Variants in STRADB observed in about 807,000 individuals in gnomAD.
The protein encoded by STRADB is STE20 related adaptor beta.
STRADB carries 34 observed loss-of-function variants against 52.1 expected under a neutral mutation model. That is an observed-to-expected ratio of 0.65 (90% CI 0.50 to 0.87). The LOEUF (loss-of-function observed/expected upper bound fraction) is 0.87, where lower values mean the gene tolerates loss of function less well. Among genes scored for constraint, STRADB ranks in the 40% least tolerant of loss-of-function variants. The probability of loss-of-function intolerance (pLI) is 0.00; values close to 1 mark genes in which losing one functional copy is unlikely to be tolerated. For synonymous variants in STRADB, 133 were observed against 174.5 expected, an observed-to-expected ratio of 0.76 and a Z score of 1.87; for missense variants, 340 against 483.9, an observed-to-expected ratio of 0.70 and a Z score of 2.79.
rs539251804 is a variant in STRADB at position 201,455,154 on chromosome 2, T to C, written c.12+302T>C. On this transcript the variant is annotated intron_variant, in intron 2 of 11. Coordinates refer to ENST00000194530, the MANE Select transcript of STRADB (RefSeq NM_018571.6). ...CACACCAGTTAGCTATGCCTTATCT[T>C]TTAAATCTTTCAGAAATTCCTTTTA... Among the ~76,000 whole-genome samples the C allele has an allele frequency of 2.3e-4, 35 of 152,324 alleles. 1 individual carries two copies. Among genetic ancestry groups the C allele is most frequent in the African/African-American group, 8.2e-4 (34 of 41,574 alleles).
chr2:201,470,168 C>G, intron 4 of STRADB, 116 bp downstream of exon 4: 1 of 725,876 alleles, frequency 1.4e-6, no homozygotes, highest in East Asian at 2.7e-5. Context: ...AAACTAGATG[C>G]TAATTGTGTC....
At chr2:201,470,603 A>G (rs902387120) in intron 4 of STRADB, among the ~76,000 whole-genome samples, 3 of 152,240 alleles carry the variant, frequency 2.0e-5, no homozygotes, top group Admixed American at 2.0e-4. Context: ...AGCATGGTAG[A>G]ACACTTGGAA....
intron 5 of STRADB, 62 bp from the exon 6 acceptor site, chr2:201,474,585 T>C: frequency 6.9e-7 from 1 of 1,456,808 alleles, no homozygotes; most frequent in Non-Finnish European, 9.5e-7. Flanking sequence ...ACGACCGCCA[T>C]TTTCATCATA....
intron 5 of STRADB, among the ~76,000 whole-genome samples, chr2:201,474,235 A>C (rs1226298331): frequency 6.6e-6 from 1 of 152,152 alleles, no homozygotes; most frequent in East Asian, 1.9e-4. Flanking sequence ...TTACACAAAC[A>C]AAAAAAGACT....
Position 201,477,063 on chromosome 2 carries a change from T to TG in STRADB, c.549-556_549-555insG, listed in dbSNP as rs1204342499. On this transcript the variant is annotated intron_variant, in intron 7 of 11. Coordinates refer to ENST00000194530, the MANE Select transcript of STRADB (RefSeq NM_018571.6). ...AAAAAATATTATCAGTTTTTTTTTT[T>TG]TTTTTTTTTTTTTTTGAGACAGACA... 2.5e-4 allele frequency among the ~76,000 whole-genome samples: 26 copies of TG among 104,000 alleles called. 1 individual carries two copies. Among genetic ancestry groups the TG allele is most frequent in the African/African-American group, 8.9e-4 (25 of 28,060 alleles). 68.2% of individuals were successfully genotyped at this position (104,000 alleles called of 152,430 possible). A position where few individuals can be genotyped will look rare whatever the true frequency, so the allele number is the denominator to read the frequency against.
intron 3 of STRADB, among the ~76,000 whole-genome samples, chr2:201,468,085 C>A (rs199629689): frequency 2.8e-5 from 2 of 71,030 alleles, no homozygotes; most frequent in African/African-American, 4.9e-5. Flanking sequence ...TTTTTTTTTT[C>A]TTTTTTTTTT....
At chr2:201,463,251 T>C (rs746064456) in intron 3 of STRADB, among the ~76,000 whole-genome samples, 2 of 149,956 alleles carry the variant, frequency 1.3e-5, no homozygotes, top group African/African-American at 2.5e-5. Context: ...GCAGAATTGC[T>C]TGAACTTGGG....
At chr2:201,471,610 T>C (rs764411807) in intron 4 of STRADB, among the ~76,000 whole-genome samples, 18 of 152,224 alleles carry the variant, frequency 1.2e-4, no homozygotes, top group Non-Finnish European at 1.8e-4. Context: ...TTTCTGACTG[T>C]AGGATCTAAG....
chr2:201,452,920 ATGTACT>A (rs1344430189), intron 1 of STRADB, among the ~76,000 whole-genome samples: 13 of 152,224 alleles, frequency 8.5e-5, no homozygotes, highest in South Asian at 2.1e-4. Flanking sequence ...GACTGCACTG[ATGTACT>A]TGTGAATACG....
chr2:201,458,320 AC>A (rs1952158837), intron 2 of STRADB, among the ~76,000 whole-genome samples: 1 of 152,242 alleles, frequency 6.6e-6, no homozygotes, highest in Non-Finnish European at 1.5e-5. Flanking sequence ...ACCTTTAAAA[AC>A]AATTATTTTT....
At chr2:201,476,367 T>G (rs1433392238) in intron 7 of STRADB, among the ~76,000 whole-genome samples, 1 of 151,408 alleles carries the variant, frequency 6.6e-6, no homozygotes, top group East Asian at 1.9e-4. Context: ...ACTTTTTTTT[T>G]TTTTTTTTAG....
intron 4 of STRADB, among the ~76,000 whole-genome samples, chr2:201,472,579 T>G (rs1390192833): frequency 6.6e-6 from 1 of 151,990 alleles, no homozygotes; most frequent in African/African-American, 2.4e-5. Context: ...GGACTGGGAG[T>G]GGGGATGGGA....
intron 4 of STRADB, 96 bp from the exon 5 acceptor site, chr2:201,472,859 T>G: frequency 7.8e-7 from 1 of 1,279,510 alleles, no homozygotes; most frequent in Non-Finnish European, 1.1e-6. Flanking sequence ...TTAACAGTAC[T>G]TTTTGAAGAG....
intron 3 of STRADB, among the ~76,000 whole-genome samples, chr2:201,462,311 G>C (rs1952228116): frequency 1.3e-5 from 2 of 152,048 alleles, no homozygotes; most frequent in African/African-American, 4.8e-5. Flanking sequence ...GGTGAAGTGT[G>C]GTTCTTGTAG....
chr2:201,452,964 T>G (rs1374239844), intron 1 of STRADB, among the ~76,000 whole-genome samples: 1 of 152,226 alleles, frequency 6.6e-6, no homozygotes, highest in Non-Finnish European at 1.5e-5. Context: ...ATATGACTTT[T>G]TTTTAAGAAA....
chr2:201,478,625 G>A, intron 10 of STRADB, 24 bp downstream of exon 10: 1 of 1,603,560 alleles, frequency 6.2e-7, no homozygotes, highest in Non-Finnish European at 8.5e-7. Context: ...CTTTTAAATA[G>A]CACAAAATGT....
At chr2:201,463,460 T>C (rs570201002) in intron 3 of STRADB, among the ~76,000 whole-genome samples, 2 of 152,372 alleles carry the variant, frequency 1.3e-5, no homozygotes, top group East Asian at 3.9e-4. Flanking sequence ...GTTCTTTCTT[T>C]TTTCTTACTT....
intron 3 of STRADB, among the ~76,000 whole-genome samples, chr2:201,469,533 A>G (rs891880082): frequency 1.3e-5 from 2 of 152,224 alleles, no homozygotes; most frequent in Non-Finnish European, 2.9e-5. Context: ...GACTGTTAAC[A>G]TCTTCAGTAG....
In STRADB at chr2:201,470,009, A is replaced by G. The variant is rs775171256; in HGVS notation, c.150A>G (p.Leu50=). The change falls in exon 4 of 12, where the codon CTA becomes CTG. Residue 50 remains leucine (L), a synonymous_variant. Transcript: ENST00000194530. ...CATCCACTAGAGCCAGTGAAGTACTATGTTCCACCAACGTTTCTCACTATG... is the reference window on the plus strand; with the variant it reads ...CATCCACTAGAGCCAGTGAAGTACTGTGTTCCACCAACGTTTCTCACTATG... The part of the protein sequence containing the change: ...SRPSTRASEV[L]CSTNVSHYEL... 5.0e-6 allele frequency: 8 copies of G among 1,614,098 alleles called. No homozygotes were observed. Among genetic ancestry groups the G allele is most frequent in the African/African-American group, 1.3e-5 (1 of 75,038 alleles).
Sources: allele counts gnomAD v4.1 joint callset (sites outside exome capture counted in the v4.1 genomes callset), GRCh38; gene constraint gnomAD v4.1.1; transcripts MANE v1.5; gene names NCBI Gene and HGNC (gene_info 2026-07-23, HGNC 2026-07-21).